The following LSAMP variants were observed in gnomAD, a reference collection of about 807,000 sequenced individuals.
LSAMP encodes limbic system associated membrane protein.
LSAMP carries 7 observed loss-of-function variants against 38.6 expected under a neutral mutation model. The observed-to-expected ratio is 0.18, with a 90% CI of 0.10 to 0.34. The LOEUF (loss-of-function observed/expected upper bound fraction) is 0.34. Ranked by LOEUF, LSAMP falls within the 10% of genes least tolerant of loss-of-function variation. The probability of loss-of-function intolerance (pLI) is 1.00; values close to 1 mark genes in which losing one functional copy is unlikely to be tolerated. For missense variants in LSAMP, 313 were observed against 420.0 expected, an observed-to-expected ratio of 0.75 and a Z score of 2.23; for synonymous variants, 154 against 166.8, an observed-to-expected ratio of 0.92 and a Z score of 0.59.
intron 1 of LSAMP, among the ~76,000 whole-genome samples, chr3:116,223,192 CAGATAT>C (rs142212903): frequency 0.01 from 1,589 of 152,226 alleles, 22 homozygotes; most frequent in African/African-American, 0.036. Context: ...CTAAAGAATA[CAGATAT>C]AATTTGGTGA....
rs188640101 is a variant in LSAMP, at chr3:116,086,626, A to G, written c.156-70T>C. ...TTCTGCGTTTCTTCTCTAGGTGATC[A>G]GACTCAACAAGTCTAAACAAGGAAA... On this transcript the variant is annotated intron_variant, in intron 1 of 6. Coordinates refer to ENST00000490035, the MANE Select transcript of LSAMP (RefSeq NM_002338.5). 1,395 of 1,169,150 alleles carry G rather than the reference A, an allele frequency of 1.2e-3. 3 individuals are homozygous for G. The highest frequency in any genetic ancestry group is 1.2e-3 in the Non-Finnish European group (938 of 782,268). 72.4% of individuals were successfully genotyped at this position (1,169,150 alleles called of 1,614,324 possible). A position where few individuals can be genotyped will look rare whatever the true frequency, so the allele number is the denominator to read the frequency against.
At chr3:116,138,931 CAG>C (rs1215161571) in intron 1 of LSAMP, among the ~76,000 whole-genome samples, 1 of 151,462 alleles carries the variant, frequency 6.6e-6, no homozygotes, top group Non-Finnish European at 1.5e-5. Context: ...AAGAATCCAC[CAG>C]AGACTATGGT....
chr3:116,064,839 G>A (rs1476556327), intron 2 of LSAMP, among the ~76,000 whole-genome samples: 3 of 152,090 alleles, frequency 2.0e-5, no homozygotes, highest in Non-Finnish European at 4.4e-5. Context: ...ACTAGTAAAT[G>A]AGTCAGACTG....
At chr3:116,174,057 A>G (rs796454668) in intron 1 of LSAMP, among the ~76,000 whole-genome samples, 12 of 152,112 alleles carry the variant, frequency 7.9e-5, no homozygotes, top group African/African-American at 2.6e-4. Flanking sequence ...GTCACAGGTA[A>G]AAATCAAAGC....
At chr3:116,060,978 T>G (rs151266150) in intron 2 of LSAMP, among the ~76,000 whole-genome samples, 15 of 152,070 alleles carry the variant, frequency 9.9e-5, no homozygotes, top group Admixed American at 8.5e-4. Context: ...GCAGTTTACT[T>G]TCTAGTAGAC....
At chr3:115,910,815 CTT>C (rs1235487108) in intron 3 of LSAMP, among the ~76,000 whole-genome samples, 1 of 152,154 alleles carries the variant, frequency 6.6e-6, no homozygotes, top group Non-Finnish European at 1.5e-5. Context: ...GGCATAGACT[CTT>C]TTTCTTTCAG....
At chr3:116,090,318 A>G (rs539438399) in intron 1 of LSAMP, among the ~76,000 whole-genome samples, 1 of 152,322 alleles carries the variant, frequency 6.6e-6, no homozygotes, top group East Asian at 1.9e-4. Context: ...CTAGTCATAC[A>G]GTGTACTGAC....
At chr3:116,401,914 C>T (rs1365000499) in intron 1 of LSAMP, among the ~76,000 whole-genome samples, 4 of 152,080 alleles carry the variant, frequency 2.6e-5, no homozygotes, top group African/African-American at 9.7e-5. Context: ...TTCTGACTGC[C>T]TAGTAGTACA....
chr3:115,860,280 T>G (rs1406305257), intron 3 of LSAMP, among the ~76,000 whole-genome samples: 1 of 152,230 alleles, frequency 6.6e-6, no homozygotes, highest in African/African-American at 2.4e-5. Flanking sequence ...GTCAAGAAAC[T>G]TGCCCAAGCT....
At chr3:115,926,209 C>T (rs1475543293) in intron 3 of LSAMP, among the ~76,000 whole-genome samples, 1 of 152,072 alleles carries the variant, frequency 6.6e-6, no homozygotes, top group African/African-American at 2.4e-5. Context: ...ACAGTCTGGA[C>T]ACATGGGGCA....
chr3:116,417,946 C>T (rs529202832), intron 1 of LSAMP, among the ~76,000 whole-genome samples: 9 of 152,300 alleles, frequency 5.9e-5, no homozygotes, highest in African/African-American at 2.2e-4. Flanking sequence ...AAAATGTTTA[C>T]ATTCTAGAGA....
chr3:116,181,446 AT>A (rs936210671), intron 1 of LSAMP, among the ~76,000 whole-genome samples: 1 of 149,518 alleles, frequency 6.7e-6, no homozygotes, highest in Non-Finnish European at 1.5e-5. Context: ...AACTGACACA[AT>A]TATTTTAAAA....
chr3:115,945,640 C>T (rs1938071194), intron 3 of LSAMP, among the ~76,000 whole-genome samples: 1 of 152,118 alleles, frequency 6.6e-6, no homozygotes, highest in Admixed American at 6.6e-5. Context: ...ATCTTGTCAT[C>T]AATTTTTCTG....
chr3:115,839,266 C>CTTCCTTCTTTCT (rs1934910546), intron 6 of LSAMP, among the ~76,000 whole-genome samples: 1 of 43,342 alleles, frequency 2.3e-5, no homozygotes, highest in Non-Finnish European at 4.9e-5. Flanking sequence ...TCTTTCTTTC[C>CTTCCTTCTTTCT]TTCCTTCCTT....
chr3:116,080,373 C>T (rs1707846041), intron 2 of LSAMP, among the ~76,000 whole-genome samples: 1 of 152,098 alleles, frequency 6.6e-6, no homozygotes, highest in South Asian at 2.1e-4. Context: ...TATTTTCTCT[C>T]CTTTGAAGAA....
intron 1 of LSAMP, among the ~76,000 whole-genome samples, chr3:116,428,863 G>A (rs1311442180): frequency 1.3e-5 from 2 of 152,158 alleles, no homozygotes; most frequent in African/African-American, 4.8e-5. Flanking sequence ...GGGAATTTGT[G>A]ACATTCTTGG....
chr3:116,309,750 G>T (rs754512177), intron 1 of LSAMP, among the ~76,000 whole-genome samples: 19 of 152,050 alleles, frequency 1.2e-4, no homozygotes, highest in Non-Finnish European at 2.2e-4. Context: ...TGATTTAGGG[G>T]GCCTAGAATC....
At chr3:116,305,250 T>C (rs1316909714) in intron 1 of LSAMP, among the ~76,000 whole-genome samples, 1 of 152,090 alleles carries the variant, frequency 6.6e-6, no homozygotes, top group Non-Finnish European at 1.5e-5. Flanking sequence ...CATTTTAAGA[T>C]CAGCTAATTT....
At position 116,165,753 on chromosome 3, in the gene LSAMP, C is replaced by G. The variant is rs138436502; in HGVS notation, c.156-79197G>C. 8.7e-4 allele frequency among the ~76,000 whole-genome samples: 133 copies of G among 152,232 alleles called. 3 individuals are homozygous for G. In the East Asian group the frequency reaches 0.024, roughly 27 times the overall value. On this transcript the variant is annotated intron_variant, in intron 1 of 6. Transcript: ENST00000490035. ...CCCACAGGCCTCATCTGCTGTCACT[C>G]CCCTCTTGTTCTTAATGCTACAAAT...
Sources: allele counts gnomAD v4.1 joint callset (sites outside exome capture counted in the v4.1 genomes callset), GRCh38; gene constraint gnomAD v4.1.1; transcripts MANE v1.5; gene names NCBI Gene and HGNC (gene_info 2026-07-23, HGNC 2026-07-21).